The following PTPRT variants were observed in gnomAD, a reference collection of about 807,000 sequenced individuals.
PTPRT encodes receptor-type tyrosine-protein phosphatase T.
PTPRT carries 56 observed loss-of-function variants against 176.8 expected under a neutral mutation model. The observed-to-expected ratio is 0.32, with a 90% CI of 0.26 to 0.40. The LOEUF (loss-of-function observed/expected upper bound fraction) is 0.40. Among genes scored for constraint, PTPRT ranks in the 10% least tolerant of loss-of-function variants. PTPRT has a pLI of 1.00. For missense variants in PTPRT, 1,540 were observed against 1,908.2 expected, an observed-to-expected ratio of 0.81 and a Z score of 3.60; for synonymous variants, 783 against 739.0, an observed-to-expected ratio of 1.06 and a Z score of -0.96.
chr20:42,297,951 C>T (rs974724152), intron 12 of PTPRT, among the ~76,000 whole-genome samples: 1 of 151,812 alleles, frequency 6.6e-6, no homozygotes, highest in African/African-American at 2.4e-5. Context: ...TCCTTTATAG[C>T]CTGAGTGTAA....
At chr20:42,115,151 G>A in intron 22 of PTPRT, 48 bp downstream of exon 22, 2 of 1,366,278 alleles carry the variant, frequency 1.5e-6, no homozygotes, top group Admixed American at 1.7e-5. Flanking sequence ...GAACAAACAA[G>A]CTGGCTCTCA....
chr20:42,335,544 C>A (rs922322257), intron 11 of PTPRT, among the ~76,000 whole-genome samples: 6 of 152,014 alleles, frequency 3.9e-5, no homozygotes, highest in Non-Finnish European at 5.9e-5. Context: ...ATGATTACTT[C>A]TATAAATAAG....
intron 1 of PTPRT, among the ~76,000 whole-genome samples, chr20:43,090,265 T>A: frequency 6.6e-6 from 1 of 150,812 alleles, no homozygotes. Flanking sequence ...CAAGAACAGG[T>A]GACTATTTTT....
chr20:42,363,308 T>A (rs1182790360), intron 9 of PTPRT, among the ~76,000 whole-genome samples: 27 of 94,470 alleles, frequency 2.9e-4, no homozygotes, highest in South Asian at 2.7e-3. Flanking sequence ...ATATTTTTTT[T>A]TTTTTTTTTT....
intron 7 of PTPRT, among the ~76,000 whole-genome samples, chr20:42,571,914 C>G (rs947405391): frequency 1.3e-5 from 2 of 152,194 alleles, no homozygotes; most frequent in Non-Finnish European, 2.9e-5. Context: ...CACATATCAG[C>G]CAGGAGAATC....
At chr20:42,782,889 T>C (rs1474208106) in intron 3 of PTPRT, among the ~76,000 whole-genome samples, 1 of 152,048 alleles carries the variant, frequency 6.6e-6, no homozygotes, top group African/African-American at 2.4e-5. Flanking sequence ...GTGAAGAAAA[T>C]GATGAAAAAG....
At chr20:42,998,929 G>C (rs1984375483) in intron 1 of PTPRT, among the ~76,000 whole-genome samples, 1 of 152,196 alleles carries the variant, frequency 6.6e-6, no homozygotes, top group South Asian at 2.1e-4. Context: ...ACATAAGTGT[G>C]TATGCAGGGA....
intron 7 of PTPRT, among the ~76,000 whole-genome samples, chr20:42,668,348 A>G (rs1473628887): frequency 6.6e-6 from 1 of 152,138 alleles, no homozygotes; most frequent in Non-Finnish European, 1.5e-5. Flanking sequence ...AGCATACAAA[A>G]TAAACACTGC....
chr20:42,130,267 C>G (rs1448528131), intron 18 of PTPRT, among the ~76,000 whole-genome samples: 1 of 152,164 alleles, frequency 6.6e-6, no homozygotes, highest in Non-Finnish European at 1.5e-5. Flanking sequence ...TAAGCAGCAA[C>G]AAGGAGACAC....
At chr20:42,204,159 A>G (rs913110679) in intron 15 of PTPRT, among the ~76,000 whole-genome samples, 5 of 152,236 alleles carry the variant, frequency 3.3e-5, no homozygotes, top group Non-Finnish European at 5.9e-5. Flanking sequence ...GACCTGGAAT[A>G]TTCGTAACTA....
intron 17 of PTPRT, among the ~76,000 whole-genome samples, chr20:42,143,462 C>T (rs193165062): frequency 6.6e-6 from 1 of 150,764 alleles, no homozygotes; most frequent in African/African-American, 2.4e-5. Flanking sequence ...GAGGCTGAGG[C>T]AGGAGAATGG....
intron 1 of PTPRT, among the ~76,000 whole-genome samples, chr20:42,987,341 C>T (rs951696851): frequency 6.6e-6 from 1 of 152,124 alleles, no homozygotes; most frequent in African/African-American, 2.4e-5. Context: ...CTCAGTCGCA[C>T]GAGCCACATT....
chr20:42,165,780 A>G (rs1989797544), intron 16 of PTPRT, among the ~76,000 whole-genome samples: 1 of 152,220 alleles, frequency 6.6e-6, no homozygotes, highest in South Asian at 2.1e-4. Flanking sequence ...ATACAGAAAG[A>G]GATAGGGAAA....
chr20:42,830,908 G>A (rs1412411648), intron 2 of PTPRT, among the ~76,000 whole-genome samples: 2 of 152,002 alleles, frequency 1.3e-5, no homozygotes, highest in African/African-American at 4.8e-5. Flanking sequence ...ACAAACAAAT[G>A]GAAAAACACT....
At chr20:42,414,152 C>T (rs902086002) in intron 9 of PTPRT, among the ~76,000 whole-genome samples, 2 of 152,130 alleles carry the variant, frequency 1.3e-5, no homozygotes, top group Non-Finnish European at 2.9e-5. Context: ...TTACTGTCTA[C>T]AGAATGCCTA....
rs535723818 is a variant in PTPRT at position 43,144,801 on chromosome 20, T to C, written c.88+44845A>G. On this transcript the variant is annotated intron_variant, in intron 1 of 30. Coordinates refer to ENST00000373187, the MANE Select transcript of PTPRT (RefSeq NM_007050.6). ...ACCGTTGAATTAAAAAAAAAAGTGA[T>C]GTTTTCAAAAAGAAAAGTTGGTCAC... Among the ~76,000 whole-genome samples, 10 of 152,198 alleles carry C rather than the reference T, an allele frequency of 6.6e-5. No individual in the cohort carries two copies. In the East Asian group the frequency reaches 1.9e-3, roughly 29 times the overall value.
intron 1 of PTPRT, among the ~76,000 whole-genome samples, chr20:43,077,641 G>C (rs992345807): frequency 1.3e-5 from 2 of 152,092 alleles, no homozygotes; most frequent in Non-Finnish European, 2.9e-5. Context: ...CACATCCCAT[G>C]CTCATAATCT....
intron 17 of PTPRT, among the ~76,000 whole-genome samples, chr20:42,148,213 T>C (rs1988958944): frequency 6.6e-6 from 1 of 151,560 alleles, no homozygotes; most frequent in Non-Finnish European, 1.5e-5. Context: ...TCTCTGAGTG[T>C]GGAAATGTTT....
At chr20:43,081,025 C>A (rs1367203073) in intron 1 of PTPRT, among the ~76,000 whole-genome samples, 1 of 152,168 alleles carries the variant, frequency 6.6e-6, no homozygotes, top group Non-Finnish European at 1.5e-5. Context: ...TTTTTTAATA[C>A]GATGTTAGAT....
Sources: allele counts gnomAD v4.1 joint callset (sites outside exome capture counted in the v4.1 genomes callset), GRCh38; gene constraint gnomAD v4.1.1; transcripts MANE v1.5; gene names NCBI Gene and HGNC (gene_info 2026-07-23, HGNC 2026-07-21).